Variants in PHKB observed in about 807,000 individuals in gnomAD.
The protein encoded by PHKB is phosphorylase b kinase regulatory subunit beta.
PHKB carries 122 observed loss-of-function variants against 152.1 expected under a neutral mutation model. The ratio of observed to expected loss-of-function variants is 0.80; its 90% CI spans 0.69 to 0.93. PHKB has a LOEUF of 0.93. PHKB is among the 40% of genes least tolerant of loss of function. PHKB has a pLI of 0.00. For missense variants in PHKB, 1,304 were observed against 1,328.4 expected, an observed-to-expected ratio of 0.98 and a Z score of 0.29; for synonymous variants, 436 against 464.9, an observed-to-expected ratio of 0.94 and a Z score of 0.80.
Position 47,461,367 on chromosome 16 carries a change from G to T in PHKB, c.17G>T (p.Gly6Val). The T allele has an allele frequency of 6.2e-7, 1 of 1,611,778 alleles. No individual in the cohort carries two copies. The highest frequency in any genetic ancestry group is 8.5e-7 in the Non-Finnish European group (1 of 1,179,470). Residue 6 changes from glycine to valine, a missense_variant, in exon 1 of 31, where the codon GGA (glycine) becomes GTA (valine). Physicochemically the swap from Gly to Val is moderately radical, Grantham distance 109 (BLOSUM62 -3). Coordinates refer to ENST00000323584, the MANE Select transcript of PHKB (RefSeq NM_000293.3). ...CGGAGCGCGATGGCGGGGGCGGCGG[G>T]ACTCACGGCAGAAGTGAGCTGGAAG... MAGAA[G>V]LTAEVSWKVL...
intron 2 of PHKB, among the ~76,000 whole-genome samples, 179 bp downstream of exon 2, chr16:47,497,667 A>G (rs1042334791): frequency 6.6e-6 from 1 of 152,186 alleles, no homozygotes; most frequent in Non-Finnish European, 1.5e-5. Context: ...TATAAAAGGA[A>G]TCTGGCAGAT....
intron 13 of PHKB, among the ~76,000 whole-genome samples, chr16:47,600,882 C>T (rs1317938917): frequency 1.3e-5 from 2 of 152,224 alleles, no homozygotes; most frequent in African/African-American, 2.4e-5. Flanking sequence ...CAGTGGCTCA[C>T]GCCTGTGTCC....
intron 2 of PHKB, among the ~76,000 whole-genome samples, chr16:47,497,834 G>A (rs773416691): frequency 6.6e-6 from 1 of 152,032 alleles, no homozygotes; most frequent in Non-Finnish European, 1.5e-5. Context: ...ACCTAAACAT[G>A]GTTCCCAGAT....
At chr16:47,470,291 A>T (rs1222573312) in intron 1 of PHKB, among the ~76,000 whole-genome samples, 1 of 152,266 alleles carries the variant, frequency 6.6e-6, no homozygotes, top group Non-Finnish European at 1.5e-5. Flanking sequence ...TTTATGGGAA[A>T]CAAGGGATGG....
At chr16:47,696,601 G>A (rs904672611) in intron 29 of PHKB, 113 bp downstream of exon 29, 13 of 728,714 alleles carry the variant, frequency 1.8e-5, no homozygotes, top group African/African-American at 7.0e-5. Context: ...CCAGTACCCC[G>A]ATCTCTCCTG....
At chr16:47,676,572 T>A (rs1432404199) in intron 26 of PHKB, among the ~76,000 whole-genome samples, 4 of 152,230 alleles carry the variant, frequency 2.6e-5, no homozygotes, top group Non-Finnish European at 5.9e-5. Flanking sequence ...AGTGTTTTTT[T>A]AAATTTTATT....
At chr16:47,626,232 G>T (rs1972708131) in intron 14 of PHKB, among the ~76,000 whole-genome samples, 1 of 152,232 alleles carries the variant, frequency 6.6e-6, no homozygotes, top group Non-Finnish European at 1.5e-5. Context: ...ATCCGCACTA[G>T]AAACAGTTTG....
chr16:47,554,646 G>A (rs530134105), intron 7 of PHKB, among the ~76,000 whole-genome samples: 3 of 152,310 alleles, frequency 2.0e-5, no homozygotes, highest in South Asian at 2.1e-4. Context: ...CCCTGGTGGT[G>A]TAGGCACCTA....
At chr16:47,688,968 G>T in intron 26 of PHKB, 73 bp from the exon 27 acceptor site, 1 of 1,509,772 alleles carries the variant, frequency 6.6e-7, no homozygotes, top group East Asian at 2.3e-5. Flanking sequence ...GCTATTAAGG[G>T]CATTGCTGAG....
chr16:47,587,599 G>T, intron 8 of PHKB, 69 bp from the exon 9 acceptor site: 1 of 1,191,394 alleles, frequency 8.4e-7, no homozygotes, highest in Non-Finnish European at 1.2e-6. Context: ...AGTTTTCACA[G>T]TCAAAATGCC....
At position 47,547,481 on chromosome 16, in the gene PHKB, G is replaced by A; in HGVS notation, c.643G>A (p.Val215Met). ...ATTTTGTGTGGAAAGAGTTTACCGT[G>A]TGCCTGACTTTGGTGTCTGGGAAAG... is the stretch of plus-strand genomic sequence containing the variant. ...LVFCVERVYR[V>M]PDFGVWERGS... Residue 215 changes from valine to methionine, a missense_variant, in exon 7 of 31, where the codon GTG (valine) becomes ATG (methionine). Physicochemically the swap from Val to Met is conservative, Grantham distance 21. Transcript: ENST00000323584. 6.2e-7 allele frequency: 1 copy of A among 1,613,008 alleles called. No individual in the cohort carries two copies. The highest frequency in any genetic ancestry group is 8.5e-7 in the Non-Finnish European group (1 of 1,179,154).
intron 26 of PHKB, among the ~76,000 whole-genome samples, chr16:47,673,944 G>C (rs1020956902): frequency 6.6e-6 from 1 of 152,092 alleles, no homozygotes; most frequent in Non-Finnish European, 1.5e-5. Flanking sequence ...TTACACCCAG[G>C]TCTGCCTGAC....
intron 6 of PHKB, among the ~76,000 whole-genome samples, chr16:47,523,870 A>G (rs1416797279): frequency 6.6e-6 from 1 of 152,212 alleles, no homozygotes; most frequent in African/African-American, 2.4e-5. Context: ...CAGACATTCA[A>G]ATAGTAACAG....
At chr16:47,648,992 T>G (rs1973184831) in intron 17 of PHKB, 108 bp from the exon 18 acceptor site, 6 of 736,002 alleles carry the variant, frequency 8.2e-6, no homozygotes, top group Admixed American at 6.0e-5. Context: ...ATTTATGTGC[T>G]TATTCAGAAT....
chr16:47,663,688 G>C lies in PHKB; in HGVS notation c.2290G>C (p.Asp764His), dbSNP rs764719579. ...TATCCAATGTCTAGGTACCGTTTCT[G>C]ATCACATTGAGAGAGTCTATAGAAG... ...NFITKEGTVSDHIERVYRRAG... is the reference protein window; with the variant it reads ...NFITKEGTVSHHIERVYRRAG... Residue 764 changes from aspartate (D) to histidine (H), a missense_variant, in exon 24 of 31, where the codon GAT becomes CAT. By Grantham distance (81) the Asp-to-His change is moderately conservative. Coordinates refer to ENST00000323584, the MANE Select transcript of PHKB (RefSeq NM_000293.3). 4.3e-6 allele frequency: 7 copies of C among 1,612,670 alleles called. No homozygotes were observed. In the African/African-American group the frequency reaches 8.0e-5, roughly 18 times the overall value.
intron 6 of PHKB, among the ~76,000 whole-genome samples, chr16:47,534,840 T>A (rs1567295648): frequency 6.6e-6 from 1 of 152,184 alleles, no homozygotes; most frequent in East Asian, 1.9e-4. Flanking sequence ...TGCATTACTT[T>A]TGTCCATTCA....
At chr16:47,641,305 G>A (rs887322172) in intron 15 of PHKB, among the ~76,000 whole-genome samples, 31 of 152,246 alleles carry the variant, frequency 2.0e-4, no homozygotes, top group Admixed American at 2.0e-3. Flanking sequence ...GAATATTAAA[G>A]ACTGACCAGT....
chr16:47,636,057 C>A (rs972301746), intron 14 of PHKB, among the ~76,000 whole-genome samples: 1 of 152,138 alleles, frequency 6.6e-6, no homozygotes, highest in African/African-American at 2.4e-5. Flanking sequence ...AAAGATGATT[C>A]TGAGGTTCTG....
At chr16:47,575,747 A>T (rs1202908149) in intron 7 of PHKB, among the ~76,000 whole-genome samples, 1 of 152,176 alleles carries the variant, frequency 6.6e-6, no homozygotes, top group Non-Finnish European at 1.5e-5. Context: ...GAAATTACTT[A>T]ATAGATACAA....
Sources: allele counts gnomAD v4.1 joint callset (sites outside exome capture counted in the v4.1 genomes callset), GRCh38; gene constraint gnomAD v4.1.1; transcripts MANE v1.5; gene names NCBI Gene and HGNC (gene_info 2026-07-23, HGNC 2026-07-21).